Variants in GPC5 observed in about 807,000 individuals in gnomAD.
GPC5 encodes the protein glypican 5, also known as glypican-5.
A neutral mutation model predicts 53.9 loss-of-function variants in GPC5; 47 were observed. That is an observed-to-expected ratio of 0.87 (90% CI 0.69 to 1.11). The LOEUF (loss-of-function observed/expected upper bound fraction) is 1.11, where lower values mean the gene tolerates loss of function less well. Among genes scored for constraint, GPC5 ranks in the 50% most tolerant of loss-of-function variants. GPC5 has a pLI of 0.00. For synonymous variants in GPC5, 286 were observed against 263.3 expected (o/e 1.09, Z -0.84); for missense variants, 748 against 713.1 (o/e 1.05, Z -0.56).
At chr13:92,321,357 G>A (rs561320924) in intron 7 of GPC5, among the ~76,000 whole-genome samples, 3 of 152,348 alleles carry the variant, frequency 2.0e-5, no homozygotes, top group African/African-American at 7.2e-5. Flanking sequence ...ACTTGGGGAA[G>A]CCAAGGCGGG....
chr13:92,591,889 C>A (rs1324422256), intron 7 of GPC5, among the ~76,000 whole-genome samples: 1 of 152,126 alleles, frequency 6.6e-6, no homozygotes, highest in Non-Finnish European at 1.5e-5. Context: ...CCAAGAAGCT[C>A]TCTTCGTTAA....
At chr13:91,561,488 C>G (rs1001576023) in intron 2 of GPC5, among the ~76,000 whole-genome samples, 1 of 152,148 alleles carries the variant, frequency 6.6e-6, no homozygotes, top group African/African-American at 2.4e-5. Flanking sequence ...GGATCTTTTA[C>G]AATAACTGTT....
At chr13:91,421,613 G>C (rs543840218) in intron 1 of GPC5, among the ~76,000 whole-genome samples, 5 of 152,122 alleles carry the variant, frequency 3.3e-5, no homozygotes, top group Non-Finnish European at 7.3e-5. Flanking sequence ...GTCAATGCTT[G>C]ACAAATGTCT....
chr13:92,538,987 C>CAT (rs1160588894), intron 7 of GPC5, among the ~76,000 whole-genome samples: 66 of 74,962 alleles, frequency 8.8e-4, no homozygotes, highest in African/African-American at 3.4e-3. Context: ...ATATATATAC[C>CAT]ATATATATAT....
At chr13:91,621,761 T>TATATATATATATATATATATATATATAA (rs11462875) in intron 2 of GPC5, among the ~76,000 whole-genome samples, 1 of 46,866 alleles carries the variant, frequency 2.1e-5, no homozygotes, top group African/African-American at 5.6e-5. Context: ...GGACAGAACA[T>TATATATATATATATATATATATATATAA]TATATATATA....
intron 6 of GPC5, among the ~76,000 whole-genome samples, chr13:91,981,353 G>C (rs1007955872): frequency 6.6e-6 from 1 of 150,698 alleles, no homozygotes; most frequent in Admixed American, 6.6e-5. Flanking sequence ...GCAGTGGCGC[G>C]ATCTCGGCTC....
At chr13:92,017,551 G>T (rs2040717779) in intron 6 of GPC5, among the ~76,000 whole-genome samples, 2 of 152,112 alleles carry the variant, frequency 1.3e-5, no homozygotes, top group Non-Finnish European at 2.9e-5. Context: ...CTGAGAGCTG[G>T]TCGGTCAACT....
chr13:91,691,868 C>T (rs548265971), intron 2 of GPC5, among the ~76,000 whole-genome samples: 4 of 152,224 alleles, frequency 2.6e-5, no homozygotes, highest in Admixed American at 2.0e-4. Flanking sequence ...ATTGCGTGAT[C>T]TTTTACAACC....
At chr13:91,400,756 T>A (rs550661805) in intron 1 of GPC5, among the ~76,000 whole-genome samples, 108 of 152,322 alleles carry the variant, frequency 7.1e-4, no homozygotes, top group African/African-American at 2.5e-3. Flanking sequence ...TATCTCAGTA[T>A]TTCTGGTATC....
At chr13:92,548,254 A>G (rs1481921469) in intron 7 of GPC5, among the ~76,000 whole-genome samples, 2 of 152,018 alleles carry the variant, frequency 1.3e-5, no homozygotes, top group African/African-American at 4.8e-5. Flanking sequence ...TTAAGTGGGA[A>G]AAATCATCAT....
chr13:92,615,963 A>G (rs991707460), intron 7 of GPC5, among the ~76,000 whole-genome samples: 6 of 152,244 alleles, frequency 3.9e-5, no homozygotes, highest in Non-Finnish European at 7.4e-5. Flanking sequence ...CTGAGGCAGG[A>G]GAATGGCGTG....
intron 1 of GPC5, among the ~76,000 whole-genome samples, chr13:91,402,773 T>C (rs991837647): frequency 2.6e-5 from 4 of 152,256 alleles, no homozygotes; most frequent in African/African-American, 9.6e-5. Flanking sequence ...TAGATCTTTA[T>C]ATATCAAAGA....
chr13:91,942,610 C>G (rs115380754), intron 6 of GPC5, among the ~76,000 whole-genome samples: 3,703 of 151,932 alleles, frequency 0.024, 145 homozygotes, highest in African/African-American at 0.085. Context: ...CCATTTACTT[C>G]AGGTGGAAAT....
chr13:92,460,046 G>C (rs547900324), intron 7 of GPC5, among the ~76,000 whole-genome samples: 1 of 151,854 alleles, frequency 6.6e-6, no homozygotes, highest in African/African-American at 2.4e-5. Context: ...TCAAGGAGAA[G>C]TATTGTTATG....
At chr13:92,531,847 A>G (rs1881576533) in intron 7 of GPC5, among the ~76,000 whole-genome samples, 1 of 152,172 alleles carries the variant, frequency 6.6e-6, no homozygotes, top group African/African-American at 2.4e-5. Context: ...TGTTGTCCTA[A>G]GGGTAGGAGT....
chr13:92,625,374 C>T (rs185652468), intron 7 of GPC5, among the ~76,000 whole-genome samples: 22 of 152,158 alleles, frequency 1.4e-4, no homozygotes, highest in Admixed American at 1.3e-3. Flanking sequence ...AGAGGACCAC[C>T]AGGAAATTGT....
At chr13:92,842,498 T>A (rs1054009284) in intron 7 of GPC5, among the ~76,000 whole-genome samples, 1 of 152,096 alleles carries the variant, frequency 6.6e-6, no homozygotes, top group Non-Finnish European at 1.5e-5. Context: ...GTAACTATCT[T>A]ATCTCTCAGG....
At chr13:92,519,960 C>T (rs1880966502) in intron 7 of GPC5, among the ~76,000 whole-genome samples, 1 of 152,052 alleles carries the variant, frequency 6.6e-6, no homozygotes, top group African/African-American at 2.4e-5. Context: ...ACCACCGATC[C>T]CACAGAAATA....
intron 2 of GPC5, among the ~76,000 whole-genome samples, chr13:91,607,243 A>T (rs995246124): frequency 1.3e-5 from 2 of 152,156 alleles, no homozygotes; most frequent in Admixed American, 1.3e-4. Context: ...AATTTTGACA[A>T]ATGTTGGCTC....
Sources: allele counts gnomAD v4.1 joint callset (sites outside exome capture counted in the v4.1 genomes callset), GRCh38; gene constraint gnomAD v4.1.1; transcripts MANE v1.5; gene names NCBI Gene and HGNC (gene_info 2026-07-23, HGNC 2026-07-21).